Variants in OPA1 observed in about 807,000 individuals in gnomAD.
OPA1 encodes dynamin-like GTPase OPA1, mitochondrial.
In OPA1, 59 loss-of-function variants were observed where a neutral mutation model predicts 152.9. The observed-to-expected ratio is 0.39, with a 90% confidence interval of 0.31 to 0.48. The LOEUF (loss-of-function observed/expected upper bound fraction) is 0.48, where lower values mean the gene tolerates loss of function less well. Ranked by LOEUF, OPA1 falls within the 20% of genes least tolerant of loss-of-function variation. The pLI is 0.96. For synonymous variants in OPA1, 400 were observed against 389.9 expected, an observed-to-expected ratio of 1.03 and a Z score of -0.31; for missense variants, 1,008 against 1,216.8, an observed-to-expected ratio of 0.83 and a Z score of 2.55.
chr3:193,694,066 G>C (rs1722021144), intron 30 of OPA1, among the ~76,000 whole-genome samples: 3 of 152,186 alleles, frequency 2.0e-5, no homozygotes, highest in South Asian at 4.1e-4. Context: ...CAGCTGATCA[G>C]TGTGACATCC....
chr3:193,648,746 A>T (rs1371710781), intron 20 of OPA1, 49 bp from the exon 21 acceptor site: 1 of 1,294,610 alleles, frequency 7.7e-7, no homozygotes, highest in Non-Finnish European at 1.1e-6. Context: ...TGACAGGGTA[A>T]ATTTACTGTC....
chr3:193,668,577 A>G (rs1308996169), intron 29 of OPA1: 2 of 1,544,628 alleles, frequency 1.3e-6, no homozygotes, highest in Non-Finnish European at 1.7e-6. Context: ...GCCTTTGTGG[A>G]GATACCCTCT....
chr3:193,672,794 G>A (rs371261538), intron 29 of OPA1, among the ~76,000 whole-genome samples: 2 of 151,286 alleles, frequency 1.3e-5, no homozygotes, highest in Non-Finnish European at 2.9e-5. Context: ...GCCTGAACCC[G>A]GGAGGCAGAG....
chr3:193,659,349 T>G (rs1168573099), intron 24 of OPA1, 133 bp from the exon 25 acceptor site: 3 of 773,070 alleles, frequency 3.9e-6, no homozygotes, highest in Non-Finnish European at 6.5e-6. Context: ...GTCATGTGGG[T>G]TTTTTCCTTT....
chr3:193,670,464 C>T (rs1717668869), intron 29 of OPA1, among the ~76,000 whole-genome samples: 1 of 151,108 alleles, frequency 6.6e-6, no homozygotes, highest in African/African-American at 2.4e-5. Flanking sequence ...CGGCTCACTG[C>T]AAGGTGGTTC....
At chr3:193,686,933 T>A (rs1312159970) in intron 29 of OPA1, among the ~76,000 whole-genome samples, 1 of 152,170 alleles carries the variant, frequency 6.6e-6, no homozygotes, top group African/African-American at 2.4e-5. Context: ...TTTAAAAACA[T>A]CAAAAGTTTT....
chr3:193,603,727 A>G (rs1266447624), intron 1 of OPA1, among the ~76,000 whole-genome samples: 1 of 152,190 alleles, frequency 6.6e-6, no homozygotes, highest in Non-Finnish European at 1.5e-5. Flanking sequence ...TCGCTTCTCT[A>G]TTAACTCATT....
chr3:193,655,440 C>T (rs11922673), intron 22 of OPA1, among the ~76,000 whole-genome samples: 4,552 of 152,188 alleles, frequency 0.03, 243 homozygotes, highest in African/African-American at 0.1. Context: ...CTTAAATTAT[C>T]ATTTTCTTAG....
Position 193,682,693 on chromosome 3 carries a change from G to T in OPA1, c.2984-9370G>T, listed in dbSNP as rs1560072363. Among the ~76,000 whole-genome samples, 5 of 152,128 alleles carry T rather than the reference G, an allele frequency of 3.3e-5. No individual in the cohort carries two copies. The South Asian group carries it at 1.0e-3, about 32-fold the overall frequency. ...TTCTAAAAGTGGAACAAAAAGCCTG[G>T]ATGACAGCACATCTGTTTACAGCAT... On this transcript the variant is annotated intron_variant, in intron 29 of 30. Coordinates refer to ENST00000361510, the MANE Select transcript of OPA1 (RefSeq NM_130837.3).
chr3:193,601,994 A>G (rs1482860685), intron 1 of OPA1, among the ~76,000 whole-genome samples: 1 of 152,214 alleles, frequency 6.6e-6, no homozygotes. Context: ...AGCTGAAGCC[A>G]TCCACTGATT....
In OPA1 at chr3:193,664,870, C is replaced by G. The variant is rs1171191938; in HGVS notation, c.2662-10C>G. On this transcript the variant is annotated splice_polypyrimidine_tract_variant and intron_variant, in intron 26 of 30. Transcript: ENST00000361510. ...ACAGTAACTCTGGGCTTTCTTTTTT[C>G]TCATTTTAGATTAAGGATACTTGGC... is the stretch of plus-strand genomic sequence containing the variant. 5.0e-6 allele frequency: 7 copies of G among 1,407,530 alleles called. No homozygotes were observed. In the South Asian group the frequency reaches 8.1e-5, roughly 16 times the overall value. 87.2% of individuals were successfully genotyped at this position (1,407,530 alleles called of 1,614,324 possible).
At chr3:193,632,224 G>C (rs545158073) in intron 8 of OPA1, among the ~76,000 whole-genome samples, 4 of 152,250 alleles carry the variant, frequency 2.6e-5, no homozygotes, top group Non-Finnish European at 4.4e-5. Flanking sequence ...GCTCACGCCT[G>C]TAATCCCAAC....
intron 29 of OPA1, chr3:193,691,784 A>G (rs542093866): frequency 3.4e-6 from 1 of 293,636 alleles, no homozygotes; most frequent in Non-Finnish European, 6.5e-6. Context: ...ACATAATTGT[A>G]CATGTACTTA....
chr3:193,662,368 A>T (rs1715481210), intron 25 of OPA1, among the ~76,000 whole-genome samples: 1 of 152,210 alleles, frequency 6.6e-6, no homozygotes, highest in Admixed American at 6.5e-5. Context: ...GAAACATGTC[A>T]ACAAGTTTAA....
Position 193,644,085 on chromosome 3 carries a change from AAT to A in OPA1, c.1589_1590del (p.Asn530SerfsTer12). 1 of 1,613,792 alleles carries A rather than the reference AAT, an allele frequency of 6.2e-7. No homozygotes were observed. Among genetic ancestry groups the A allele is most frequent in the South Asian group, 1.1e-5 (1 of 91,072 alleles). On this transcript the variant is annotated frameshift_variant, in exon 16 of 31. Coordinates refer to ENST00000361510, the MANE Select transcript of OPA1 (RefSeq NM_130837.3). LOFTEE classifies it high-confidence loss of function. ...GACCAAAGTAGACCTGGCAGAGAAA[AAT>A]GTAGCCAGTCCAAGCAGGGTGAGGT... ...VLTKVDLAEK[N>X]VASPSRIQQI...
At chr3:193,676,051 C>T (rs1397362722) in intron 29 of OPA1, among the ~76,000 whole-genome samples, 2 of 152,148 alleles carry the variant, frequency 1.3e-5, no homozygotes, top group African/African-American at 2.4e-5. Flanking sequence ...TGGCTTTCAT[C>T]TATATCAAAA....
chr3:193,686,430 G>GA (rs1396013689), intron 29 of OPA1, among the ~76,000 whole-genome samples: 1 of 152,016 alleles, frequency 6.6e-6, no homozygotes, highest in Non-Finnish European at 1.5e-5. Flanking sequence ...CTATTTCAAG[G>GA]AAAAAATCTA....
chr3:193,593,429 T>C lies in OPA1; in HGVS notation c.32+20T>C. ...GGCCTGGTAAGTGCAGGCTCTAATC[T>C]GGCCCCGTTAATTCTGGGGCCTCTT... On this transcript the variant is annotated intron_variant, in intron 1 of 30. Coordinates refer to ENST00000361510, the MANE Select transcript of OPA1 (RefSeq NM_130837.3). The C allele has an allele frequency of 6.5e-7, 1 of 1,527,496 alleles. No individual in the cohort carries two copies. The highest frequency in any genetic ancestry group is 8.8e-7 in the Non-Finnish European group (1 of 1,132,570). 94.6% of individuals were successfully genotyped at this position (1,527,496 alleles called of 1,614,324 possible).
chr3:193,656,409 A>G (rs990584105), intron 22 of OPA1, among the ~76,000 whole-genome samples: 2 of 152,140 alleles, frequency 1.3e-5, no homozygotes, highest in African/African-American at 4.8e-5. Context: ...CATAGTTATA[A>G]GTAGATTTTG....
Sources: gnomAD v4.1 joint callset for allele counts (sites outside exome capture counted in the v4.1 genomes callset) on GRCh38, gnomAD v4.1.1 for gene constraint, MANE v1.5 for transcripts, NCBI Gene and HGNC (gene_info 2026-07-23, HGNC 2026-07-21) for gene names.